Variants in IQSEC1 observed in about 807,000 individuals in gnomAD.
IQSEC1 encodes the protein IQ motif and Sec7 domain ArfGEF 1, also known as IQ motif and SEC7 domain-containing protein 1.
A neutral mutation model predicts 91.0 loss-of-function variants in IQSEC1; 31 were observed. That is an observed-to-expected ratio of 0.34 (90% CI 0.26 to 0.46). The LOEUF is 0.46. Ranked by LOEUF, IQSEC1 falls within the 20% of genes least tolerant of loss-of-function variation. The probability of loss-of-function intolerance (pLI) is 1.00; values close to 1 mark genes in which losing one functional copy is unlikely to be tolerated. For synonymous variants in IQSEC1, 699 were observed against 662.6 expected (o/e 1.05, Z -0.84); for missense variants, 1,388 against 1,575.6 (o/e 0.88, Z 2.02).
At chr3:12,952,919 T>A (rs1248823493) in intron 1 of IQSEC1, among the ~76,000 whole-genome samples, 1 of 152,174 alleles carries the variant, frequency 6.6e-6, no homozygotes, top group East Asian at 1.9e-4. Flanking sequence ...GACCTGAGCA[T>A]ATCTGAATGG....
intron 2 of IQSEC1, among the ~76,000 whole-genome samples, chr3:13,133,604 T>C (rs987984762): frequency 3.9e-5 from 6 of 152,230 alleles, no homozygotes; most frequent in Admixed American, 1.3e-4. Flanking sequence ...CACAGCCAGT[T>C]ATGTAATTGG....
chr3:13,113,229 G>C (rs945206582), intron 2 of IQSEC1, among the ~76,000 whole-genome samples: 4 of 152,112 alleles, frequency 2.6e-5, no homozygotes, highest in Non-Finnish European at 5.9e-5. Flanking sequence ...GCCTTGGTCT[G>C]GGGGAGGCAA....
chr3:13,166,442 C>T (rs1173648288), intron 1 of IQSEC1, among the ~76,000 whole-genome samples: 5 of 152,188 alleles, frequency 3.3e-5, no homozygotes, highest in Admixed American at 1.3e-4. Context: ...CATTCTGGGA[C>T]GCCAGGGGAC....
intron 10 of IQSEC1, among the ~76,000 whole-genome samples, chr3:12,910,730 G>T (rs946106911): frequency 1.3e-5 from 2 of 152,252 alleles, no homozygotes; most frequent in African/African-American, 4.8e-5. Context: ...CAGGCGCAAG[G>T]CCTGTGGTTT....
At chr3:12,959,846 C>T (rs753778680) in intron 1 of IQSEC1, among the ~76,000 whole-genome samples, 15 of 152,200 alleles carry the variant, frequency 9.9e-5, no homozygotes, top group Non-Finnish European at 1.8e-4. Flanking sequence ...CTAAAAATAA[C>T]GCTAAGACTC....
At chr3:13,219,809 T>G (rs1053526353) in intron 1 of IQSEC1, among the ~76,000 whole-genome samples, 5 of 152,336 alleles carry the variant, frequency 3.3e-5, no homozygotes, top group South Asian at 2.1e-4. Context: ...TGGCACATCT[T>G]CATCCATGGA....
chr3:13,276,794 C>T (rs1029861315), intron 1 of IQSEC1, among the ~76,000 whole-genome samples: 4 of 152,200 alleles, frequency 2.6e-5, no homozygotes, highest in Non-Finnish European at 4.4e-5. Flanking sequence ...ATCCACCCCT[C>T]GGAGGGCAGG....
chr3:12,913,417 G>A lies in IQSEC1; in HGVS notation c.2316+11C>T. On this transcript the variant is annotated intron_variant, in intron 9 of 13. Coordinates refer to ENST00000613206, the MANE Select transcript of IQSEC1 (RefSeq NM_001134382.3). ...GTCCCTGCTACAATGCCTTGTGGGTGAGCCACATACCACCAGGAGGTCGTT... is the reference window on the plus strand; with the variant it reads ...GTCCCTGCTACAATGCCTTGTGGGTAAGCCACATACCACCAGGAGGTCGTT... 1.9e-6 allele frequency: 3 copies of A among 1,584,368 alleles called. No homozygotes were observed. The highest frequency in any genetic ancestry group is 1.7e-6 in the Non-Finnish European group (2 of 1,162,284).
intron 2 of IQSEC1, among the ~76,000 whole-genome samples, chr3:13,114,201 G>A (rs1706298131): frequency 6.6e-6 from 1 of 152,206 alleles, no homozygotes; most frequent in South Asian, 2.1e-4. Flanking sequence ...CGCATGTGCT[G>A]CTGATTACAC....
chr3:13,150,140 A>G (rs1256027739), intron 2 of IQSEC1, among the ~76,000 whole-genome samples: 1 of 152,112 alleles, frequency 6.6e-6, no homozygotes, highest in Non-Finnish European at 1.5e-5. Flanking sequence ...GTGAAAAATG[A>G]GGAACAAATG....
rs961312852 is a variant in IQSEC1 at position 12,908,660 on chromosome 3, A to G, written c.2579-135T>C. ...AATGGGGAAGGGTTGTTTCTGGGAAAGAGGGTGTGATGGCCACCCTGGACA... is the reference window on the plus strand; with the variant it reads ...AATGGGGAAGGGTTGTTTCTGGGAAGGAGGGTGTGATGGCCACCCTGGACA... On this transcript the variant is annotated intron_variant, in intron 11 of 13. Transcript: ENST00000613206. The surrounding 1 kb of genome is among the most constrained non-coding windows in gnomAD (Gnocchi z 4.9). 1.4e-5 allele frequency: 14 copies of G among 986,018 alleles called. No individual in the cohort carries two copies. The highest frequency in any genetic ancestry group is 6.4e-5 in the African/African-American group (4 of 62,368). The allele number at this position is 986,018 out of a possible 1,614,324, so 61.1% of individuals were successfully genotyped here. A position where few individuals can be genotyped will look rare whatever the true frequency, so the allele number is the denominator to read the frequency against.
At chr3:13,177,281 C>T (rs980760395) in intron 1 of IQSEC1, among the ~76,000 whole-genome samples, 26 of 152,200 alleles carry the variant, frequency 1.7e-4, no homozygotes, top group African/African-American at 6.0e-4. Flanking sequence ...AATAGGAGGC[C>T]CTGCTCAGAG....
chr3:13,104,534 G>T (rs1371367571), intron 2 of IQSEC1, among the ~76,000 whole-genome samples: 1 of 152,084 alleles, frequency 6.6e-6, no homozygotes, highest in Non-Finnish European at 1.5e-5. Flanking sequence ...TTCCACCGCT[G>T]ACCCAGCACT....
rs751906261 is a variant in IQSEC1, at chr3:12,922,254, A to G, written c.1731-12T>C. Reference sequence around the variant, plus strand: ...CGTCCACGACGCAGCTGGAATAGAGACAGACAGCCCCGCATAAGCACCCCT... The same window carrying G: ...CGTCCACGACGCAGCTGGAATAGAGGCAGACAGCCCCGCATAAGCACCCCT... On this transcript the variant is annotated splice_polypyrimidine_tract_variant and intron_variant, in intron 4 of 13. Transcript: ENST00000613206. This position sits in a 1 kb window ranked among gnomAD's most constrained non-coding sequence, Gnocchi z 5.1. The G allele has an allele frequency of 3.2e-6, 5 of 1,573,234 alleles. No homozygotes were observed. The highest frequency in any genetic ancestry group is 4.3e-6 in the Non-Finnish European group (5 of 1,151,818).
At chr3:13,235,587 C>G (rs1271660754) in intron 1 of IQSEC1, among the ~76,000 whole-genome samples, 1 of 152,252 alleles carries the variant, frequency 6.6e-6, no homozygotes, top group African/African-American at 2.4e-5. Context: ...GTGCTGTCTG[C>G]AGACACGCAG....
intron 1 of IQSEC1, among the ~76,000 whole-genome samples, chr3:12,996,932 C>G (rs1420307179): frequency 6.6e-6 from 1 of 152,200 alleles, no homozygotes; most frequent in Non-Finnish European, 1.5e-5. Context: ...TGAGCACTCT[C>G]AAAAATGCTG....
intron 2 of IQSEC1, among the ~76,000 whole-genome samples, chr3:13,110,141 C>CAAA (rs1706218853): frequency 2.0e-5 from 3 of 151,902 alleles, no homozygotes; most frequent in African/African-American, 7.2e-5. Flanking sequence ...CTTGGCCCCC[C>CAAA]AAAGTGCTGG....
Position 13,008,209 on chromosome 3 carries a change from C to T in IQSEC1, c.23+64783G>A, listed in dbSNP as rs1364222054. 6.6e-6 allele frequency among the ~76,000 whole-genome samples: 1 copy of T among 152,172 alleles called. No homozygotes were observed. Among genetic ancestry groups the T allele is most frequent in the Non-Finnish European group, 1.5e-5 (1 of 68,032 alleles). On this transcript the variant is annotated intron_variant, in intron 1 of 13. Transcript: ENST00000613206. The surrounding 1 kb of genome is among the most constrained non-coding windows in gnomAD (Gnocchi z 4.1). ...GGCTATGTCCGTCCATTACCATCAC[C>T]ACCTTGTCACCCTCCGTCTGGGGTC...
chr3:13,126,185 A>T (rs1332409461), intron 2 of IQSEC1, among the ~76,000 whole-genome samples: 2 of 37,470 alleles, frequency 5.3e-5, no homozygotes, highest in East Asian at 1.9e-3. Context: ...ATGCCCTCAA[A>T]CATTCTCTCA....
Sources: gnomAD v4.1 joint callset for allele counts (sites outside exome capture counted in the v4.1 genomes callset) on GRCh38, gnomAD v4.1.1 for gene constraint, Gnocchi (gnomAD v3.1) non-coding constraint, MANE v1.5 for transcripts, NCBI Gene and HGNC (gene_info 2026-07-23, HGNC 2026-07-21) for gene names.